Variants in GTF2F2 observed in about 807,000 individuals in gnomAD.
GTF2F2 encodes ATP-dependent helicase GTF2F2.
GTF2F2 carries 23 observed loss-of-function variants against 42.2 expected under a neutral mutation model. The ratio of observed to expected loss-of-function variants is 0.55; its 90% CI spans 0.39 to 0.77. The LOEUF is 0.77. Among genes scored for constraint, GTF2F2 ranks in the 30% least tolerant of loss-of-function variants. GTF2F2 has a pLI of 0.00. For missense variants in GTF2F2, 261 were observed against 287.2 expected, an observed-to-expected ratio of 0.91 and a Z score of 0.66; for synonymous variants, 105 against 100.8, an observed-to-expected ratio of 1.04 and a Z score of -0.25.
intron 1 of GTF2F2, among the ~76,000 whole-genome samples, chr13:45,130,151 C>T (rs73469360): frequency 0.098 from 14,950 of 152,174 alleles, 1,928 homozygotes; most frequent in African/African-American, 0.3. Context: ...AAGCTAGTAG[C>T]CATGGAGAGG....
intron 5 of GTF2F2, among the ~76,000 whole-genome samples, chr13:45,237,462 G>T (rs1875048907): frequency 6.6e-6 from 1 of 152,116 alleles, no homozygotes; most frequent in South Asian, 2.1e-4. Context: ...TGTTCAATAT[G>T]GGTACTGGAG....
In GTF2F2 at chr13:45,120,589, C is replaced by G. The variant is rs773278934; in HGVS notation, c.-67C>G. On this transcript the variant is annotated 5_prime_UTR_variant, in exon 1 of 8. Coordinates refer to ENST00000340473, the MANE Select transcript of GTF2F2 (RefSeq NM_004128.3). ...CGGCTTGTCCTTTGTTCCGGACGCC[C>G]GCTCCTCAGCCCTGCGGCTCCTGGG... The G allele has an allele frequency of 2.3e-5, 27 of 1,187,466 alleles. No homozygotes were observed. The highest frequency in any genetic ancestry group is 3.2e-5 in the Non-Finnish European group (26 of 818,266). The allele number at this position is 1,187,466 out of a possible 1,614,324, so 73.6% of individuals were successfully genotyped here.
At chr13:45,229,107 T>C (rs571744278) in intron 5 of GTF2F2, among the ~76,000 whole-genome samples, 204 of 152,318 alleles carry the variant, frequency 1.3e-3, no homozygotes, top group African/African-American at 4.8e-3. Flanking sequence ...GGTCTTGAAC[T>C]CCTGACCTCA....
At chr13:45,123,738 A>G (rs1271546799) in intron 1 of GTF2F2, among the ~76,000 whole-genome samples, 1 of 151,728 alleles carries the variant, frequency 6.6e-6, no homozygotes, top group Non-Finnish European at 1.5e-5. Flanking sequence ...ATAACAAAAT[A>G]TCCAGGACCT....
Position 45,262,939 on chromosome 13 carries a change from TG to T in GTF2F2, c.487-4292del, listed in dbSNP as rs1273151921. 6.6e-5 allele frequency among the ~76,000 whole-genome samples: 10 copies of T among 151,854 alleles called. No individual in the cohort carries two copies. In the East Asian group the frequency reaches 2.0e-3, roughly 30 times the overall value. On this transcript the variant is annotated intron_variant, in intron 6 of 7. Coordinates refer to ENST00000340473, the MANE Select transcript of GTF2F2 (RefSeq NM_004128.3). Reference sequence around the variant, plus strand: ...ATGGGTCTCACTTTATTGCCCAGACTGGTCTCAAACTCTTGGTCTCAAGTGA... The same window carrying T: ...ATGGGTCTCACTTTATTGCCCAGACTGTCTCAAACTCTTGGTCTCAAGTGA...
intron 4 of GTF2F2, among the ~76,000 whole-genome samples, chr13:45,172,852 G>A (rs1291196001): frequency 6.6e-6 from 1 of 152,080 alleles, no homozygotes; most frequent in Non-Finnish European, 1.5e-5. Context: ...TAGCTTTGTA[G>A]TAAGTTTTGA....
chr13:45,261,425 C>CAAAAAAAAAA (rs976923932), intron 6 of GTF2F2, among the ~76,000 whole-genome samples: 1 of 58,890 alleles, frequency 1.7e-5, no homozygotes, highest in African/African-American at 4.5e-5. Flanking sequence ...GACTCCATCT[C>CAAAAAAAAAA]AAAAAAAAAA....
chr13:45,176,470 C>T (rs1361412053), intron 4 of GTF2F2, among the ~76,000 whole-genome samples: 2 of 152,048 alleles, frequency 1.3e-5, no homozygotes, highest in East Asian at 3.9e-4. Context: ...ATTTCTTGTC[C>T]ATTTTTTATG....
chr13:45,149,634 C>T lies in GTF2F2; in HGVS notation c.141-136C>T, dbSNP rs892744847. The T allele has an allele frequency of 3.6e-6, 3 of 824,708 alleles. No homozygotes were observed. In the African/African-American group the frequency reaches 5.4e-5, roughly 15 times the overall value. 51.1% of individuals were successfully genotyped at this position (824,708 alleles called of 1,614,324 possible). A position where few individuals can be genotyped will look rare whatever the true frequency, so the allele number is the denominator to read the frequency against. ...TATAAATAGGATAGTTGTGGGGAGT[C>T]AAGGGTAAATATTGGTTAATCTCTG... On this transcript the variant is annotated intron_variant, in intron 2 of 7. Transcript: ENST00000340473.
chr13:45,176,438 A>G (rs1871881182), intron 4 of GTF2F2, among the ~76,000 whole-genome samples: 1 of 152,066 alleles, frequency 6.6e-6, no homozygotes, highest in African/African-American at 2.4e-5. Context: ...ATTTGAATTT[A>G]TTTTGAGAGA....
chr13:45,201,534 G>A (rs1873184236), intron 4 of GTF2F2, among the ~76,000 whole-genome samples: 1 of 152,132 alleles, frequency 6.6e-6, no homozygotes, highest in African/African-American at 2.4e-5. Flanking sequence ...CTTCTCCAAA[G>A]TAACACTGCT....
At chr13:45,155,227 A>C (rs901838153) in intron 4 of GTF2F2, among the ~76,000 whole-genome samples, 1 of 152,216 alleles carries the variant, frequency 6.6e-6, no homozygotes, top group African/African-American at 2.4e-5. Context: ...CCAAAGTATA[A>C]GTGACTAAGC....
chr13:45,274,650 TGTAGTTCAGGCCAGATG>T (rs1272400466), intron 7 of GTF2F2, among the ~76,000 whole-genome samples: 2 of 152,236 alleles, frequency 1.3e-5, no homozygotes, highest in East Asian at 3.9e-4. Flanking sequence ...TCTTAAAGTG[TGTAGTTCAGGCCAGATG>T]TGTTGGCTCA....
chr13:45,145,822 C>A (rs1271092119), intron 2 of GTF2F2, among the ~76,000 whole-genome samples: 1 of 152,160 alleles, frequency 6.6e-6, no homozygotes, highest in Non-Finnish European at 1.5e-5. Context: ...CTTTTGCTGT[C>A]CTCCACTGGG....
chr13:45,282,042 T>C (rs925427073), intron 7 of GTF2F2, among the ~76,000 whole-genome samples: 2 of 151,880 alleles, frequency 1.3e-5, no homozygotes, highest in African/African-American at 4.8e-5. Context: ...CTACTAAAAA[T>C]ACAAAAAATT....
chr13:45,183,990 G>T (rs1005332429), intron 4 of GTF2F2, among the ~76,000 whole-genome samples: 1 of 151,808 alleles, frequency 6.6e-6, no homozygotes, highest in Non-Finnish European at 1.5e-5. Flanking sequence ...TGAGTAACTG[G>T]GATTACAAGT....
chr13:45,197,376 G>A (rs922352882), intron 4 of GTF2F2, among the ~76,000 whole-genome samples: 3 of 151,496 alleles, frequency 2.0e-5, no homozygotes, highest in Admixed American at 6.6e-5. Flanking sequence ...GGGTGTGTTG[G>A]TGTATGTCTG....
intron 5 of GTF2F2, among the ~76,000 whole-genome samples, chr13:45,250,775 C>T (rs1012615264): frequency 6.6e-6 from 1 of 152,072 alleles, no homozygotes; most frequent in Non-Finnish European, 1.5e-5. Flanking sequence ...AAGAGGCCAT[C>T]GAAGAATCAT....
intron 5 of GTF2F2, among the ~76,000 whole-genome samples, chr13:45,220,500 T>A (rs1046171980): frequency 6.6e-6 from 1 of 152,160 alleles, no homozygotes; most frequent in African/African-American, 2.4e-5. Context: ...ATAAGTATTT[T>A]CCATACTTAT....
Sources: gnomAD v4.1 joint callset for allele counts (sites outside exome capture counted in the v4.1 genomes callset) on GRCh38, gnomAD v4.1.1 for gene constraint, MANE v1.5 for transcripts, NCBI Gene and HGNC (gene_info 2026-07-23, HGNC 2026-07-21) for gene names.